SLC30A8: variants seen among roughly 807,000 people sequenced by gnomAD.
SLC30A8 encodes solute carrier family 30 member 8, also known as proton-coupled zinc antiporter SLC30A8.
A neutral mutation model predicts 36.9 loss-of-function variants in SLC30A8; 27 were observed. That is an observed-to-expected ratio of 0.73 (90% CI 0.54 to 1.01). SLC30A8 has a LOEUF of 1.01. Ranked by LOEUF, SLC30A8 falls within the 50% of genes least tolerant of loss-of-function variation. SLC30A8 has a pLI of 0.00. For synonymous variants in SLC30A8, 164 were observed against 172.4 expected (o/e 0.95, Z 0.38); for missense variants, 439 against 452.0 (o/e 0.97, Z 0.26).
chr8:117,096,292 G>C (rs1423175785), intron 2 of SLC30A8, among the ~76,000 whole-genome samples: 1 of 152,186 alleles, frequency 6.6e-6, no homozygotes, highest in Non-Finnish European at 1.5e-5. Context: ...CTAACCAATA[G>C]AGGCACTTGT....
chr8:117,034,087 A>G (rs1817137485), intron 1 of SLC30A8, among the ~76,000 whole-genome samples: 1 of 152,200 alleles, frequency 6.6e-6, no homozygotes, highest in African/African-American at 2.4e-5. Flanking sequence ...TCCTAGAAAT[A>G]AAAAGATAGG....
At chr8:116,950,986 T>C (rs2130566797) in exon 1 of SLC30A8, 1 of 152,344 alleles carries the variant, frequency 6.6e-6, no homozygotes. Context: ...CCTGTCTAAC[T>C]TTGGAAATAT....
chr8:117,157,448 G>T (rs973745410), intron 3 of SLC30A8, among the ~76,000 whole-genome samples: 3 of 152,296 alleles, frequency 2.0e-5, no homozygotes, highest in African/African-American at 7.2e-5. Flanking sequence ...CTAAAAATTT[G>T]CTGAAAAATT....
intron 2 of SLC30A8, among the ~76,000 whole-genome samples, chr8:117,091,988 T>C (rs1297612434): frequency 6.6e-6 from 1 of 152,240 alleles, no homozygotes; most frequent in Admixed American, 6.5e-5. Flanking sequence ...TCATGTCTTT[T>C]CTTACATACT....
intron 2 of SLC30A8, among the ~76,000 whole-genome samples, chr8:117,110,581 C>T (rs959511931): frequency 2.0e-5 from 3 of 152,146 alleles, no homozygotes; most frequent in South Asian, 2.1e-4. Context: ...GGGCACATGA[C>T]GAAGCCTTTC....
At chr8:117,158,803 GC>G (rs1822633760) in intron 4 of SLC30A8, among the ~76,000 whole-genome samples, 1 of 152,138 alleles carries the variant, frequency 6.6e-6, no homozygotes, top group African/African-American at 2.4e-5. Flanking sequence ...TAGTGATCTA[GC>G]TAGCTATCGT....
intron 2 of SLC30A8, among the ~76,000 whole-genome samples, chr8:117,069,144 TA>T (rs1319785056): frequency 1.3e-5 from 2 of 152,128 alleles, no homozygotes; most frequent in Non-Finnish European, 2.9e-5. Context: ...AACTCATTAT[TA>T]AAAAAACAAG....
At chr8:117,143,264 C>T (rs193017667) in intron 1 of SLC30A8, among the ~76,000 whole-genome samples, 1 of 152,208 alleles carries the variant, frequency 6.6e-6, no homozygotes, top group East Asian at 1.9e-4. Context: ...GTACTGGCAT[C>T]AAATTTTCTA....
chr8:117,142,767 C>T (rs1821714624), intron 1 of SLC30A8, among the ~76,000 whole-genome samples: 1 of 152,132 alleles, frequency 6.6e-6, no homozygotes, highest in Non-Finnish European at 1.5e-5. Context: ...TCTTCCCTTG[C>T]CTTCTCACCA....
chr8:117,167,270 C>T (rs1053758240), intron 6 of SLC30A8, among the ~76,000 whole-genome samples: 1 of 152,064 alleles, frequency 6.6e-6, no homozygotes, highest in African/African-American at 2.4e-5. Flanking sequence ...TGGCAGATAA[C>T]TCCTTTCTGG....
chr8:117,063,423 G>A (rs1476639217), intron 2 of SLC30A8, among the ~76,000 whole-genome samples: 1 of 152,118 alleles, frequency 6.6e-6, no homozygotes, highest in African/African-American at 2.4e-5. Context: ...GACTCCACAT[G>A]TGACTTCTAA....
At chr8:117,039,045 A>G (rs1817304186) in intron 1 of SLC30A8, among the ~76,000 whole-genome samples, 1 of 151,998 alleles carries the variant, frequency 6.6e-6, no homozygotes, top group East Asian at 1.9e-4. Context: ...ACTCGTGGAG[A>G]CTCTCATTTC....
chr8:117,074,397 G>GTT, intron 2 of SLC30A8, among the ~76,000 whole-genome samples: 1 of 152,256 alleles, frequency 6.6e-6, no homozygotes, highest in African/African-American at 2.4e-5. Flanking sequence ...AGTTCCTAGT[G>GTT]TTTTCTTCTA....
chr8:116,962,607 G>A lies in SLC30A8; in HGVS notation c.-266+11488G>A, dbSNP rs370811259. Among the ~76,000 whole-genome samples, 12 of 152,028 alleles carry A rather than the reference G, an allele frequency of 7.9e-5. No homozygotes were observed. In the East Asian group the frequency reaches 9.7e-4, roughly 12 times the overall value. On this transcript the variant is annotated intron_variant, in intron 1 of 10. Coordinates refer to the SLC30A8 transcript ENST00000427715. Reference sequence around the variant, plus strand: ...GTTCAGTTTAGTCACTAGTTGATTCGTTTTCACAGAATTAGAAATTAAAGA... The same window carrying A: ...GTTCAGTTTAGTCACTAGTTGATTCATTTTCACAGAATTAGAAATTAAAGA...
rs115300187 is a variant in SLC30A8, at chr8:117,032,044, G to A, written c.-265-7175G>A. 5.0e-3 allele frequency among the ~76,000 whole-genome samples: 754 copies of A among 152,100 alleles called. 6 individuals carry two copies. Among genetic ancestry groups the A allele is most frequent in the African/African-American group, 0.017 (706 of 41,468 alleles). The stretch of plus-strand genomic sequence containing the variant: ...TAAGGATTCCCCAAATTTATCTTGC[G>A]GTTGTATGCTCCCAAGCCTTTGATT... On this transcript the variant is annotated intron_variant, in intron 1 of 10. Coordinates refer to the SLC30A8 transcript ENST00000427715.
intron 2 of SLC30A8, among the ~76,000 whole-genome samples, chr8:117,072,494 C>T (rs1818361236): frequency 6.6e-6 from 1 of 152,058 alleles, no homozygotes; most frequent in South Asian, 2.1e-4. Context: ...ATCCTTAATA[C>T]CTAGTATACA....
intron 2 of SLC30A8, among the ~76,000 whole-genome samples, chr8:117,127,611 C>T (rs1173326239): frequency 6.6e-6 from 1 of 151,962 alleles, no homozygotes; most frequent in African/African-American, 2.4e-5. Flanking sequence ...TCTAACTGTT[C>T]AGCACAATGT....
In SLC30A8 at chr8:117,123,437, T is replaced by C. The variant is rs1820766386; in HGVS notation, c.-225-11843T>C. Among the ~76,000 whole-genome samples, 3 of 152,148 alleles carry C rather than the reference T, an allele frequency of 2.0e-5. 1 individual carries two copies. The South Asian group carries it at 6.2e-4, about 32-fold the overall frequency. On this transcript the variant is annotated intron_variant, in intron 2 of 10. Coordinates refer to the SLC30A8 transcript ENST00000427715. ...AGGAATCTTTAAATGTAGCATTAAT[T>C]AGAAACCTGAACTAATTTCATTATT...
intron 1 of SLC30A8, among the ~76,000 whole-genome samples, chr8:117,025,992 A>T (rs1816859960): frequency 6.6e-6 from 1 of 152,156 alleles, no homozygotes; most frequent in South Asian, 2.1e-4. Context: ...TCGCAGGGTG[A>T]TGGTGCATTT....
Sources: gnomAD v4.1 joint callset for allele counts (sites outside exome capture counted in the v4.1 genomes callset) on GRCh38, gnomAD v4.1.1 for gene constraint, MANE v1.5 for transcripts, NCBI Gene and HGNC (gene_info 2026-07-23, HGNC 2026-07-21) for gene names.